Variants in IGF2 observed in about 807,000 individuals in gnomAD.
IGF2 encodes the protein insulin like growth factor 2, also known as insulin-like growth factor 2.
Under a neutral mutation model 12.0 loss-of-function variants are expected in IGF2, and 2 were observed. That is an observed-to-expected ratio of 0.17 (90% CI 0.07 to 0.52). The LOEUF is 0.52. Among genes scored for constraint, IGF2 ranks in the 20% least tolerant of loss-of-function variants. The probability of loss-of-function intolerance (pLI) is 0.95; values close to 1 mark genes in which losing one functional copy is unlikely to be tolerated. For missense variants in IGF2, 211 were observed against 268.0 expected, an observed-to-expected ratio of 0.79 and a Z score of 1.48; for synonymous variants, 105 against 110.1, an observed-to-expected ratio of 0.95 and a Z score of 0.29.
At chr11:2,137,529 A>AT (rs1382042128) in intron 1 of IGF2, among the ~76,000 whole-genome samples, 3 of 145,576 alleles carry the variant, frequency 2.1e-5, no homozygotes, top group Non-Finnish European at 4.6e-5. Context: ...AGGGCAGTGA[A>AT]GGGGGGGGGG....
At chr11:2,140,905 G>T (rs769679099), upstream of IGF2, 1 of 381,284 alleles carries the variant, frequency 2.6e-6, no homozygotes, top group Non-Finnish European at 5.0e-6. Flanking sequence ...CTCAGGCAGC[G>T]AGCGATCGAA....
upstream of IGF2, among the ~76,000 whole-genome samples, chr11:2,145,694 G>A (rs1859880151): frequency 6.6e-6 from 1 of 152,192 alleles, no homozygotes; most frequent in South Asian, 2.1e-4. Context: ...TAGTGGCCCT[G>A]TAGGGAGGGA....
In IGF2 at chr11:2,131,007, A is replaced by T. The variant is rs1858507199; in HGVS notation, c.*1980T>A. On this transcript the variant is annotated 3_prime_UTR_variant, in exon 4 of 4. Coordinates refer to ENST00000416167, the MANE Select transcript of IGF2 (RefSeq NM_000612.6). ...CTACCGCCATCTCCAATGTGGCCAAACTCCTTCCTCACTCTGGCTGGGCCA... is the reference window on the plus strand; with the variant it reads ...CTACCGCCATCTCCAATGTGGCCAATCTCCTTCCTCACTCTGGCTGGGCCA... 1 of 227,954 alleles carries T rather than the reference A, an allele frequency of 4.4e-6. No individual in the cohort carries two copies. Among genetic ancestry groups the T allele is most frequent in the African/African-American group, 2.2e-5 (1 of 44,794 alleles). The allele number at this position is 227,954 out of a possible 1,614,324, so 14.1% of individuals were successfully genotyped here. A position where few individuals can be genotyped will look rare whatever the true frequency, so the allele number is the denominator to read the frequency against.
In IGF2 at chr11:2,138,398, G is replaced by GT. The variant is rs1202269415; in HGVS notation, c.-177_-176insA. 123 of 452,084 alleles carry GT rather than the reference G, an allele frequency of 2.7e-4. 5 individuals are homozygous for GT. The highest frequency in any genetic ancestry group is 3.2e-4 in the Non-Finnish European group (110 of 346,730). 28.0% of individuals were successfully genotyped at this position (452,084 alleles called of 1,614,324 possible). On this transcript the variant is annotated 5_prime_UTR_variant, in exon 1 of 4. Coordinates refer to ENST00000416167, the MANE Select transcript of IGF2 (RefSeq NM_000612.6). ...GGGATGGCTTTTTTTTGGGGGGGGG[G>GT]GGAGAATTCGTCTGATTGTCCAGGG...
intron 2 of IGF2, among the ~76,000 whole-genome samples, chr11:2,134,412 G>A (rs1440737561): frequency 1.3e-5 from 2 of 152,244 alleles, no homozygotes; most frequent in Admixed American, 1.3e-4. Context: ...CTGGCACCAG[G>A]CCCTGCAGTG....
At chr11:2,137,531 G>A (rs1049415654) in intron 1 of IGF2, among the ~76,000 whole-genome samples, 12 of 79,886 alleles carry the variant, frequency 1.5e-4, no homozygotes, top group South Asian at 7.5e-4. Context: ...GGCAGTGAAG[G>A]GGGGGGGGGT....
upstream of IGF2, among the ~76,000 whole-genome samples, chr11:2,145,976 A>G (rs1590140162): frequency 6.6e-6 from 1 of 152,074 alleles, no homozygotes; most frequent in African/African-American, 2.4e-5. Flanking sequence ...GGAGGGGGCC[A>G]GGGTCTCCTC....
Position 2,138,934 on chromosome 11 carries a change from C to T in IGF2, c.-712G>A. On this transcript the variant is annotated 5_prime_UTR_variant, in exon 1 of 4. Coordinates refer to ENST00000416167, the MANE Select transcript of IGF2 (RefSeq NM_000612.6). ...CAGCTCGGTTTGGGCCGACGGAGCC[C>T]TCTGCCGTCGCGAGCCCGGGCCTCG... The T allele has an allele frequency of 1.0e-6, 1 of 984,320 alleles. No homozygotes were observed. The highest frequency in any genetic ancestry group is 1.2e-6 in the Non-Finnish European group (1 of 829,272). 61.0% of individuals were successfully genotyped at this position (984,320 alleles called of 1,614,324 possible). A position where few individuals can be genotyped will look rare whatever the true frequency, so the allele number is the denominator to read the frequency against.
In IGF2 at chr11:2,129,535, C is replaced by T; in HGVS notation, c.*3452G>A. On this transcript the variant is annotated 3_prime_UTR_variant, in exon 4 of 4. Transcript: ENST00000416167. This position sits in a 1 kb window ranked among gnomAD's most constrained non-coding sequence, Gnocchi z 8.1. ...AATATAACACTGGGTGGGTGGGTGT[C>T]CTGACGAATGGGCAGGTAATTTGGG... The T allele has an allele frequency of 4.4e-6, 1 of 228,112 alleles. No individual in the cohort carries two copies. The highest frequency in any genetic ancestry group is 5.7e-5 in the Admixed American group (1 of 17,598). The allele number at this position is 228,112 out of a possible 1,614,324, so 14.1% of individuals were successfully genotyped here.
Position 2,129,899 on chromosome 11 carries a change from T to TG in IGF2, c.*3087dup. ...GGCTGCTATGGCATCACCAGACCCG[T>TG]GGGCTCCGGGGCCCAAGCAACCTGG... On this transcript the variant is annotated 3_prime_UTR_variant, in exon 4 of 4. Transcript: ENST00000416167. This position sits in a 1 kb window ranked among gnomAD's most constrained non-coding sequence, Gnocchi z 8.1. The TG allele has an allele frequency of 4.3e-6, 1 of 232,060 alleles. No individual in the cohort carries two copies. Among genetic ancestry groups the TG allele is most frequent in the Non-Finnish European group, 8.5e-6 (1 of 117,336 alleles). The allele number at this position is 232,060 out of a possible 1,614,324, so 14.4% of individuals were successfully genotyped here.
chr11:2,130,604 A>G lies in IGF2; in HGVS notation c.*2383T>C, dbSNP rs1434718415. 2 of 212,484 alleles carry G rather than the reference A, an allele frequency of 9.4e-6. No individual in the cohort carries two copies. Among genetic ancestry groups the G allele is most frequent in the Non-Finnish European group, 1.9e-5 (2 of 105,968 alleles). 13.2% of individuals were successfully genotyped at this position (212,484 alleles called of 1,614,324 possible). A position where few individuals can be genotyped will look rare whatever the true frequency, so the allele number is the denominator to read the frequency against. On this transcript the variant is annotated 3_prime_UTR_variant, in exon 4 of 4. Coordinates refer to ENST00000416167, the MANE Select transcript of IGF2 (RefSeq NM_000612.6). ...AAAAAAAAACAAAAAAAAAAAAAAAAGGAAAAATGCCCCAAGAAACAAAGA... is the reference window on the plus strand; with the variant it reads ...AAAAAAAAACAAAAAAAAAAAAAAAGGGAAAAATGCCCCAAGAAACAAAGA...
chr11:2,149,050 A>C, the IGF2 span: 1 of 1,381,484 alleles, frequency 7.2e-7, no homozygotes, highest in Non-Finnish European at 1.0e-6. Context: ...AGCTGCCCCA[A>C]GCTCCCGGCC....
chr11:2,147,573 C>T, the IGF2 span: 5 of 1,218,338 alleles, frequency 4.1e-6, no homozygotes, highest in Non-Finnish European at 5.1e-6. This position sits in a 1 kb window ranked among gnomAD's most constrained non-coding sequence, Gnocchi z 7.2. Context: ...CACCTCTCTG[C>T]CTCGCAGTTG....
intron 1 of IGF2, among the ~76,000 whole-genome samples, chr11:2,137,666 G>C (rs1261486523): frequency 2.0e-5 from 3 of 152,042 alleles, no homozygotes; most frequent in African/African-American, 7.2e-5. Flanking sequence ...CCCCTCTCCC[G>C]GGACTCCTGT....
chr11:2,140,891 G>A, upstream of IGF2: 1 of 375,778 alleles, frequency 2.7e-6, no homozygotes, highest in Non-Finnish European at 5.1e-6. Context: ...GGGCGCACCA[G>A]GAGCTCAGGC....
upstream of IGF2, among the ~76,000 whole-genome samples, chr11:2,144,346 G>C (rs35506085): frequency 6.6e-6 from 1 of 151,870 alleles, no homozygotes; most frequent in Admixed American, 6.6e-5. Context: ...CGCCACCGGG[G>C]GCAGGCTAGT....
At chr11:2,134,466 G>A (rs1858848568) in intron 2 of IGF2, among the ~76,000 whole-genome samples, 1 of 152,286 alleles carries the variant, frequency 6.6e-6, no homozygotes, top group African/African-American at 2.4e-5. Flanking sequence ...AGAGGGCACA[G>A]GAGAGGCCAG....
At chr11:2,149,373 T>A in the IGF2 span, 1 of 1,588,792 alleles carries the variant, frequency 6.3e-7, no homozygotes. Context: ...ACTTTTAGAG[T>A]GTGCATGTTA....
In IGF2 at chr11:2,138,787, G is replaced by A; in HGVS notation, c.-565C>T. The A allele has an allele frequency of 1.0e-6, 1 of 953,324 alleles. No homozygotes were observed. The highest frequency in any genetic ancestry group is 1.2e-6 in the Non-Finnish European group (1 of 801,760). The allele number at this position is 953,324 out of a possible 1,614,324, so 59.1% of individuals were successfully genotyped here. On this transcript the variant is annotated 5_prime_UTR_variant, in exon 1 of 4. Coordinates refer to ENST00000416167, the MANE Select transcript of IGF2 (RefSeq NM_000612.6). The stretch of plus-strand genomic sequence containing the variant: ...TTGCGGGAGAAAGAGCGGGGGCCGG[G>A]GCCAGACGCCAAGAGGGGCGCGGGG...
Sources: allele counts gnomAD v4.1 joint callset (sites outside exome capture counted in the v4.1 genomes callset), GRCh38; gene constraint gnomAD v4.1.1; non-coding constraint Gnocchi (gnomAD v3.1); transcripts MANE v1.5; gene names NCBI Gene and HGNC (gene_info 2026-07-23, HGNC 2026-07-21).